Variants in LIPA observed in about 807,000 individuals in gnomAD.
The protein encoded by LIPA is lysosomal acid lipase/cholesteryl ester hydrolase.
Under a neutral mutation model 40.6 loss-of-function variants are expected in LIPA, and 26 were observed. The ratio of observed to expected loss-of-function variants is 0.64; its 90% CI spans 0.47 to 0.89. LIPA has a LOEUF of 0.89. Among genes scored for constraint, LIPA ranks in the 40% least tolerant of loss-of-function variants. The pLI is 0.00. For synonymous variants in LIPA, 188 were observed against 168.4 expected (o/e 1.12, Z -0.90); for missense variants, 455 against 479.6 (o/e 0.95, Z 0.48).
intron 1 of LIPA, among the ~76,000 whole-genome samples, chr10:89,271,089 A>G (rs552271513): frequency 6.6e-6 from 1 of 152,360 alleles, no homozygotes; most frequent in African/African-American, 2.4e-5. Flanking sequence ...CACATGAGCA[A>G]GATTCCTGTG....
chr10:89,293,925 G>GCAGTT (rs1843393730), intron 1 of LIPA, among the ~76,000 whole-genome samples: 1 of 152,198 alleles, frequency 6.6e-6, no homozygotes, highest in South Asian at 2.1e-4. Flanking sequence ...TCAGTCCAAA[G>GCAGTT]CAGTTGTTTA....
intron 8 of LIPA, among the ~76,000 whole-genome samples, chr10:89,220,969 A>C (rs1317675808): frequency 2.6e-5 from 4 of 152,298 alleles, no homozygotes; most frequent in East Asian, 1.9e-4. Flanking sequence ...GACAAAAACA[A>C]GTATAAACTG....
At chr10:89,257,674 T>C (rs1843187922) in intron 1 of LIPA, among the ~76,000 whole-genome samples, 1 of 152,172 alleles carries the variant, frequency 6.6e-6, no homozygotes, top group African/African-American at 2.4e-5. Context: ...GGCTGTAGTT[T>C]AGGGAGGCCA....
intron 1 of LIPA, chr10:89,306,810 G>A: frequency 1.2e-6 from 2 of 1,614,094 alleles, no homozygotes; most frequent in Non-Finnish European, 1.7e-6. Context: ...TACCTGCATT[G>A]CCAAATTGGG....
chr10:89,338,297 C>A, intron 1 of LIPA: 1 of 182,006 alleles, frequency 5.5e-6, no homozygotes, highest in Middle Eastern at 2.7e-3. Flanking sequence ...GTCTGAGAAC[C>A]AGGTAAGCCA....
chr10:89,338,238 G>C (rs975362941), intron 1 of LIPA: 1 of 163,574 alleles, frequency 6.1e-6, no homozygotes, highest in African/African-American at 2.4e-5. Flanking sequence ...TTGTCTGCAA[G>C]CTGGAGACCA....
At chr10:89,318,669 A>C (rs1007702082) in intron 1 of LIPA, among the ~76,000 whole-genome samples, 6 of 152,216 alleles carry the variant, frequency 3.9e-5, no homozygotes, top group African/African-American at 1.4e-4. Context: ...CAGAAAGTTA[A>C]CAAGGATATC....
chr10:89,403,874 GAA>G (rs1436031201), intron 2 of LIPA: 2 of 566,220 alleles, frequency 3.5e-6, no homozygotes, highest in African/African-American at 1.9e-5. Context: ...AACAATTAGT[GAA>G]ACAGAATGTG....
intron 1 of LIPA, chr10:89,306,946 T>C (rs990612354): frequency 6.2e-7 from 1 of 1,614,052 alleles, no homozygotes; most frequent in African/African-American, 1.3e-5. Context: ...ATGAGGCCAA[T>C]GATAATCTCT....
At chr10:89,229,052 T>C (rs1421832367) in intron 3 of LIPA, among the ~76,000 whole-genome samples, 2 of 152,220 alleles carry the variant, frequency 1.3e-5, no homozygotes, top group Non-Finnish European at 2.9e-5. Context: ...AAAACCTGCA[T>C]ACAGATGTCT....
intron 2 of LIPA, among the ~76,000 whole-genome samples, chr10:89,350,596 T>C (rs1016652989): frequency 2.6e-5 from 4 of 151,872 alleles, no homozygotes; most frequent in South Asian, 4.2e-4. Context: ...TGAGCCACCG[T>C]GCCTGGCCTG....
chr10:89,379,994 C>A (rs1463302386), intron 2 of LIPA, among the ~76,000 whole-genome samples: 1 of 150,846 alleles, frequency 6.6e-6, no homozygotes, highest in Non-Finnish European at 1.5e-5. Context: ...GAGATTGCAC[C>A]ACTGCACTCC....
chr10:89,412,914 A>G (rs747470596), exon 2 of LIPA: 3 of 252,808 alleles, frequency 1.2e-5, no homozygotes, highest in African/African-American at 6.9e-5. Flanking sequence ...CACCAAGACC[A>G]AAAACCTACT....
chr10:89,302,098 G>C, intron 1 of LIPA: 3 of 1,613,806 alleles, frequency 1.9e-6, no homozygotes, highest in Non-Finnish European at 2.5e-6. Flanking sequence ...GAGCCCTGCC[G>C]AACAGCTGAG....
chr10:89,412,944 C>CT, intron 1 of LIPA: 1 of 239,834 alleles, frequency 4.2e-6, no homozygotes, highest in South Asian at 3.7e-5. Context: ...CAATTCCGGA[C>CT]ACACCATCAC....
chr10:89,316,376 C>T lies in LIPA; in HGVS notation c.-2+26235G>A, dbSNP rs572977545. Reference sequence around the variant, plus strand: ...TTGAGACACTCCCACCCTAATACTGCGCTTTTCCAACGGTCTTAGCAAACA... The same window carrying T: ...TTGAGACACTCCCACCCTAATACTGTGCTTTTCCAACGGTCTTAGCAAACA... On this transcript the variant is annotated intron_variant, in intron 1 of 5. Transcript: ENST00000282673. Among the ~76,000 whole-genome samples the T allele has an allele frequency of 1.5e-3, 235 of 152,306 alleles. 1 individual carries two copies. The highest frequency in any genetic ancestry group is 5.3e-3 in the African/African-American group (222 of 41,574).
intron 1 of LIPA, chr10:89,332,668 T>TA (rs776633937): frequency 6.3e-7 from 1 of 1,588,338 alleles, no homozygotes; most frequent in African/African-American, 1.3e-5. Flanking sequence ...CAGAATTTCT[T>TA]ATGTACAACT....
chr10:89,226,024 G>C (rs1842765839), intron 5 of LIPA, among the ~76,000 whole-genome samples: 1 of 152,082 alleles, frequency 6.6e-6, no homozygotes, highest in Non-Finnish European at 1.5e-5. Flanking sequence ...CCCAGTCTCG[G>C]GTATGTCTTT....
chr10:89,338,640 C>A, intron 1 of LIPA: 2 of 1,597,158 alleles, frequency 1.3e-6, no homozygotes, highest in Non-Finnish European at 1.7e-6. Context: ...ATCACAGTGA[C>A]CATGTTTATT....
Sources: allele counts gnomAD v4.1 joint callset (sites outside exome capture counted in the v4.1 genomes callset), GRCh38; gene constraint gnomAD v4.1.1; transcripts MANE v1.5; gene names NCBI Gene and HGNC (gene_info 2026-07-23, HGNC 2026-07-21).